PTPRT: variants seen among roughly 807,000 people sequenced by gnomAD.
PTPRT encodes receptor-type tyrosine-protein phosphatase T.
PTPRT carries 56 observed loss-of-function variants against 176.8 expected under a neutral mutation model. That is an observed-to-expected ratio of 0.32 (90% CI 0.26 to 0.40). PTPRT has a LOEUF of 0.40. Ranked by LOEUF, PTPRT falls within the 10% of genes least tolerant of loss-of-function variation. The pLI is 1.00. For missense variants in PTPRT, 1,540 were observed against 1,908.2 expected (o/e 0.81, Z 3.60); for synonymous variants, 783 against 739.0 (o/e 1.06, Z -0.96).
chr20:42,912,370 G>A (rs1044049716), intron 1 of PTPRT, among the ~76,000 whole-genome samples: 1 of 152,130 alleles, frequency 6.6e-6, no homozygotes, highest in Non-Finnish European at 1.5e-5. Flanking sequence ...TTTGTAAACT[G>A]CCTGGTTATG....
At chr20:42,282,738 T>A (rs756312691) in intron 12 of PTPRT, among the ~76,000 whole-genome samples, 50 of 152,152 alleles carry the variant, frequency 3.3e-4, no homozygotes, top group Non-Finnish European at 5.6e-4. Flanking sequence ...CATATGTTAT[T>A]CAGTTCACTT....
chr20:42,579,678 T>C (rs2073335638), intron 7 of PTPRT, among the ~76,000 whole-genome samples: 1 of 152,240 alleles, frequency 6.6e-6, no homozygotes, highest in African/African-American at 2.4e-5. Flanking sequence ...AGCATTTTTT[T>C]CATGTCTTTT....
At chr20:42,939,191 T>C (rs1980392819) in intron 1 of PTPRT, among the ~76,000 whole-genome samples, 1 of 152,230 alleles carries the variant, frequency 6.6e-6, no homozygotes, top group Non-Finnish European at 1.5e-5. Context: ...TGATGGCAAA[T>C]GCTTAAACAT....
intron 1 of PTPRT, among the ~76,000 whole-genome samples, chr20:43,103,807 G>GA (rs970995535): frequency 6.0e-5 from 9 of 149,698 alleles, no homozygotes; most frequent in African/African-American, 9.9e-5. Flanking sequence ...TAGTAATAAT[G>GA]AAAAAAATCT....
intron 3 of PTPRT, among the ~76,000 whole-genome samples, chr20:42,788,804 C>A (rs548519088): frequency 6.6e-6 from 1 of 152,178 alleles, no homozygotes. Flanking sequence ...AGAGCCCAGC[C>A]TTGGAGTTAC....
chr20:42,178,780 G>A (rs977498718), intron 16 of PTPRT, among the ~76,000 whole-genome samples: 2 of 152,138 alleles, frequency 1.3e-5, no homozygotes, highest in Non-Finnish European at 2.9e-5. Flanking sequence ...GATACTGACA[G>A]ATTCATTTTT....
At chr20:43,129,613 CTTT>C (rs869293740) in intron 1 of PTPRT, among the ~76,000 whole-genome samples, 4 of 87,274 alleles carry the variant, frequency 4.6e-5, no homozygotes, top group African/African-American at 1.4e-4. Flanking sequence ...CCAAAGAGTT[CTTT>C]TTTTTTTTTT....
At chr20:42,575,051 T>C (rs1416063074) in intron 7 of PTPRT, among the ~76,000 whole-genome samples, 1 of 152,190 alleles carries the variant, frequency 6.6e-6, no homozygotes, top group East Asian at 1.9e-4. Context: ...TCTCTGGTAG[T>C]ATGTTTATAG....
At chr20:42,166,265 A>G (rs1989820645) in intron 16 of PTPRT, among the ~76,000 whole-genome samples, 1 of 152,240 alleles carries the variant, frequency 6.6e-6, no homozygotes, top group South Asian at 2.1e-4. Flanking sequence ...GCTCTCACCC[A>G]GCACTATCCA....
At chr20:42,790,837 C>T (rs936488036) in intron 3 of PTPRT, among the ~76,000 whole-genome samples, 1 of 152,128 alleles carries the variant, frequency 6.6e-6, no homozygotes, top group Non-Finnish European at 1.5e-5. Flanking sequence ...TTCATCTCTC[C>T]GAACCTCAAT....
intron 1 of PTPRT, chr20:42,969,020 A>G (rs1982466353): frequency 6.6e-6 from 1 of 152,248 alleles, no homozygotes; most frequent in African/African-American, 2.4e-5. Flanking sequence ...CTGACAAGTC[A>G]TCATCCGCTT....
intron 15 of PTPRT, among the ~76,000 whole-genome samples, chr20:42,228,606 A>G (rs1183066579): frequency 6.6e-6 from 1 of 152,252 alleles, no homozygotes; most frequent in Non-Finnish European, 1.5e-5. Context: ...TGAAAGCTCT[A>G]TCATCACCGT....
chr20:42,553,382 C>G (rs55980799), intron 7 of PTPRT, among the ~76,000 whole-genome samples: 5,144 of 152,036 alleles, frequency 0.034, 103 homozygotes, highest in Middle Eastern at 0.054. Flanking sequence ...TCTATCTCCC[C>G]CTTCCACTCA....
At chr20:42,705,639 G>A (rs911179187) in intron 6 of PTPRT, among the ~76,000 whole-genome samples, 2 of 152,146 alleles carry the variant, frequency 1.3e-5, no homozygotes, top group Non-Finnish European at 2.9e-5. Context: ...TTGGTCTGTT[G>A]TAATCATGTC....
intron 7 of PTPRT, among the ~76,000 whole-genome samples, chr20:42,662,146 T>C (rs1435500674): frequency 6.6e-6 from 1 of 152,152 alleles, no homozygotes; most frequent in African/African-American, 2.4e-5. Flanking sequence ...CCTCTTAATA[T>C]GTTGTACCAG....
Position 43,189,709 on chromosome 20 carries a change from G to A in PTPRT, c.25C>T (p.Leu9Phe). The A allele has an allele frequency of 7.8e-7, 1 of 1,275,662 alleles. No individual in the cohort carries two copies. Among genetic ancestry groups the A allele is most frequent in the Non-Finnish European group, 9.9e-7 (1 of 1,012,654 alleles). 79.0% of individuals were successfully genotyped at this position (1,275,662 alleles called of 1,614,324 possible). A position where few individuals can be genotyped will look rare whatever the true frequency, so the allele number is the denominator to read the frequency against. The change falls in exon 1 of 31, where the codon CTC becomes TTC. Residue 9 changes from leucine (L) to phenylalanine (F), a missense_variant. Leu to Phe is a conservative substitution (Grantham distance 22). Transcript: ENST00000373187. This position sits in a 1 kb window ranked among gnomAD's most constrained non-coding sequence, Gnocchi z 5.0. MASLAALALSLLLRLQLPP... is the reference protein window; with the variant it reads MASLAALAFSLLLRLQLPP... The stretch of plus-strand genomic sequence containing the variant: ...AGCTGCAGCCTCAGGAGCAGGCTGA[G>A]GGCGAGCGCGGCGAGGCTCGCCATC...
In PTPRT at chr20:42,443,218, T is replaced by C. The variant is rs117819457; in HGVS notation, c.1560+5002A>G. 4.9e-3 allele frequency among the ~76,000 whole-genome samples: 744 copies of C among 152,374 alleles called. 8 individuals carry two copies. The highest frequency in any genetic ancestry group is 0.037 in the Middle Eastern group (11 of 294). On this transcript the variant is annotated intron_variant, in intron 9 of 30. Transcript: ENST00000373187. ...TTCCCTTACCACCTCTACCACCCTC[T>C]TGTGCTGATCACAATTGTGAGATTT...
intron 9 of PTPRT, among the ~76,000 whole-genome samples, chr20:42,396,644 C>T (rs1320646547): frequency 6.6e-6 from 1 of 152,186 alleles, no homozygotes; most frequent in Non-Finnish European, 1.5e-5. Context: ...TCACTGCAAC[C>T]TCTGCCTCCC....
intron 2 of PTPRT, among the ~76,000 whole-genome samples, chr20:42,820,739 C>T (rs996350472): frequency 6.6e-6 from 1 of 152,128 alleles, no homozygotes; most frequent in Non-Finnish European, 1.5e-5. Flanking sequence ...GATATTACCA[C>T]TGATCCCACA....
Sources: allele counts gnomAD v4.1 joint callset (sites outside exome capture counted in the v4.1 genomes callset), GRCh38; gene constraint gnomAD v4.1.1; non-coding constraint Gnocchi (gnomAD v3.1); transcripts MANE v1.5; gene names NCBI Gene and HGNC (gene_info 2026-07-23, HGNC 2026-07-21).